The following SHISA9 variants were observed in gnomAD, a reference collection of about 807,000 sequenced individuals.
SHISA9 encodes the protein shisa family member 9, also known as protein shisa-9.
In SHISA9, 13 loss-of-function variants were observed where a neutral mutation model predicts 38.0. That is an observed-to-expected ratio of 0.34 (90% CI 0.22 to 0.54). The LOEUF (loss-of-function observed/expected upper bound fraction) is 0.54. Among genes scored for constraint, SHISA9 ranks in the 20% least tolerant of loss-of-function variants. SHISA9 has a pLI of 0.91. For missense variants in SHISA9, 538 were observed against 575.8 expected, an observed-to-expected ratio of 0.93 and a Z score of 0.67; for synonymous variants, 275 against 242.0, an observed-to-expected ratio of 1.14 and a Z score of -1.27.
At chr16:12,970,418 C>CATATAT (rs2072054118) in intron 2 of SHISA9, among the ~76,000 whole-genome samples, 6 of 9,586 alleles carry the variant, frequency 6.3e-4, no homozygotes, top group Non-Finnish European at 1.3e-3. Flanking sequence ...TATATATATA[C>CATATAT]ACATATATGT....
At chr16:13,087,276 C>T (rs181495444) in intron 2 of SHISA9, among the ~76,000 whole-genome samples, 33 of 151,192 alleles carry the variant, frequency 2.2e-4, no homozygotes, top group African/African-American at 7.0e-4. Context: ...TGAATAGTGC[C>T]GCAATAAACA....
the SHISA9 span, among the ~76,000 whole-genome samples, chr16:13,424,962 A>G: frequency 6.6e-6 from 1 of 152,164 alleles, no homozygotes; most frequent in African/African-American, 2.4e-5. Flanking sequence ...ATAACATCCA[A>G]ATAAACTCTT....
intron 2 of SHISA9, among the ~76,000 whole-genome samples, chr16:13,047,469 T>C (rs561762567): frequency 6.6e-6 from 1 of 152,294 alleles, no homozygotes; most frequent in East Asian, 1.9e-4. Context: ...TCTTAGGCAA[T>C]GGAAAGAAGT....
At chr16:13,275,338 G>T in the SHISA9 span, among the ~76,000 whole-genome samples, 1 of 152,070 alleles carries the variant, frequency 6.6e-6, no homozygotes, top group Non-Finnish European at 1.5e-5. Context: ...TAGAGCTTCA[G>T]ACTTTGCTTT....
intron 1 of SHISA9, chr16:12,909,158 C>G: frequency 2.0e-6 from 2 of 985,946 alleles, no homozygotes; most frequent in Non-Finnish European, 2.4e-6. Flanking sequence ...ATTTATTTTT[C>G]TTTGCAGGGT....
the SHISA9 span, among the ~76,000 whole-genome samples, chr16:13,469,365 A>AAGAAAGAAAAGAGAAAG: frequency 1.6e-5 from 1 of 64,456 alleles, no homozygotes; most frequent in Non-Finnish European, 3.1e-5. Context: ...AAAGAAAAGA[A>AAGAAAGAAAAGAGAAAG]AAAGAAAGAA....
At position 13,049,176 on chromosome 16, in the gene SHISA9, G is replaced by C. The variant is rs1003557905; in HGVS notation, c.691+132361G>C. ...GGAGTATGTGTGTGTGTGTGTGTGTGTGTGTGTGTGTGTGTGTGTGTGTGT... is the reference window on the plus strand; with the variant it reads ...GGAGTATGTGTGTGTGTGTGTGTGTCTGTGTGTGTGTGTGTGTGTGTGTGT... On this transcript the variant is annotated intron_variant, in intron 2 of 4. Coordinates refer to ENST00000558583, the MANE Select transcript of SHISA9 (RefSeq NM_001145204.3). 9.9e-5 allele frequency among the ~76,000 whole-genome samples: 15 copies of C among 151,310 alleles called. No homozygotes were observed. In the South Asian group the frequency reaches 1.5e-3, roughly 15 times the overall value.
the SHISA9 span, among the ~76,000 whole-genome samples, chr16:13,313,007 G>A: frequency 6.6e-6 from 1 of 151,968 alleles, no homozygotes; most frequent in African/African-American, 2.4e-5. Flanking sequence ...TGTAATCCCA[G>A]CACTTTGGGA....
chr16:12,909,707 C>T (rs528666997), intron 1 of SHISA9: 25 of 470,122 alleles, frequency 5.3e-5, no homozygotes, highest in Middle Eastern at 1.1e-3. Context: ...CCCAGCCTGA[C>T]ACACTCCAGC....
At chr16:13,296,292 G>A in the SHISA9 span, among the ~76,000 whole-genome samples, 2 of 151,536 alleles carry the variant, frequency 1.3e-5, no homozygotes, top group African/African-American at 4.9e-5. Context: ...TTCTGAAGGT[G>A]GGAAAATAAG....
chr16:13,210,828 A>G (rs1413077293), intron 3 of SHISA9, among the ~76,000 whole-genome samples: 2 of 152,228 alleles, frequency 1.3e-5, no homozygotes, highest in Non-Finnish European at 2.9e-5. Context: ...CTCATATTCA[A>G]GAGTGCTTGA....
chr16:13,472,031 G>A, the SHISA9 span, among the ~76,000 whole-genome samples: 11 of 152,186 alleles, frequency 7.2e-5, no homozygotes, highest in African/African-American at 1.4e-4. Flanking sequence ...CTAGAGGAGC[G>A]TGTTCCATTT....
At chr16:13,220,259 G>C (rs955629841) in intron 4 of SHISA9, among the ~76,000 whole-genome samples, 29 of 152,108 alleles carry the variant, frequency 1.9e-4, no homozygotes, top group African/African-American at 6.8e-4. Flanking sequence ...GTTTTAACTG[G>C]AATGACTTGG....
At chr16:13,512,059 A>G in the SHISA9 span, among the ~76,000 whole-genome samples, 2 of 152,182 alleles carry the variant, frequency 1.3e-5, no homozygotes, top group Non-Finnish European at 2.9e-5. Context: ...TTAGCCCTAG[A>G]TTAAGGCCTG....
chr16:13,535,705 CCTT>C, the SHISA9 span, among the ~76,000 whole-genome samples: 10,566 of 152,260 alleles, frequency 0.069, 503 homozygotes, highest in East Asian at 0.16. Context: ...TTCCTGGCCT[CCTT>C]CTTGGTAGTC....
intron 2 of SHISA9, among the ~76,000 whole-genome samples, chr16:13,021,949 A>T (rs2072860710): frequency 6.6e-6 from 1 of 152,222 alleles, no homozygotes; most frequent in South Asian, 2.1e-4. Context: ...TTTCTTACCA[A>T]TTTGGAGGCA....
intron 4 of SHISA9, among the ~76,000 whole-genome samples, chr16:13,225,373 T>A (rs2051268950): frequency 2.0e-5 from 3 of 152,212 alleles, no homozygotes; most frequent in African/African-American, 7.2e-5. Context: ...GAACACACAC[T>A]GTGATGTGTT....
chr16:13,528,302 C>G, the SHISA9 span, among the ~76,000 whole-genome samples: 1 of 151,980 alleles, frequency 6.6e-6, no homozygotes. Flanking sequence ...CATTTCCACA[C>G]TTCTGACTCC....
At chr16:13,285,344 T>A in the SHISA9 span, among the ~76,000 whole-genome samples, 1 of 152,156 alleles carries the variant, frequency 6.6e-6, no homozygotes, top group Non-Finnish European at 1.5e-5. Flanking sequence ...CAATAATTGA[T>A]GAAATTTAAA....
Sources: gnomAD v4.1 joint callset for allele counts (sites outside exome capture counted in the v4.1 genomes callset) on GRCh38, gnomAD v4.1.1 for gene constraint, MANE v1.5 for transcripts, NCBI Gene and HGNC (gene_info 2026-07-23, HGNC 2026-07-21) for gene names.